RBFOX1: variants seen among roughly 807,000 people sequenced by gnomAD.
RBFOX1 encodes the protein RNA binding protein fox-1 homolog 1.
Under a neutral mutation model 57.7 loss-of-function variants are expected in RBFOX1, and 8 were observed. That is an observed-to-expected ratio of 0.14 (90% CI 0.08 to 0.25). The LOEUF (loss-of-function observed/expected upper bound fraction) is 0.25, where lower values mean the gene tolerates loss of function less well. Among genes scored for constraint, RBFOX1 ranks in the 10% least tolerant of loss-of-function variants. The pLI is 1.00. For synonymous variants in RBFOX1, 326 were observed against 222.4 expected (o/e 1.47, Z -4.15); for missense variants, 611 against 548.5 (o/e 1.11, Z -1.14).
At chr16:6,228,001 C>T (rs1487733072) in intron 1 of RBFOX1, among the ~76,000 whole-genome samples, 2 of 152,116 alleles carry the variant, frequency 1.3e-5, no homozygotes, top group African/African-American at 2.4e-5. Context: ...GTGTTTATTG[C>T]AGCACTATTC....
intron 2 of RBFOX1, among the ~76,000 whole-genome samples, chr16:6,333,309 C>G (rs970000435): frequency 6.6e-6 from 1 of 152,136 alleles, no homozygotes; most frequent in Non-Finnish European, 1.5e-5. Context: ...CACCCCAAAG[C>G]GCTGGGATGA....
intron 3 of RBFOX1, among the ~76,000 whole-genome samples, chr16:5,727,494 G>T (rs1446225656): frequency 6.6e-6 from 1 of 152,192 alleles, no homozygotes; most frequent in African/African-American, 2.4e-5. Context: ...TTGTATGTGT[G>T]TGTATATCTA....
chr16:6,432,876 G>A (rs1167677125), intron 2 of RBFOX1, among the ~76,000 whole-genome samples: 1 of 152,156 alleles, frequency 6.6e-6, no homozygotes, highest in Non-Finnish European at 1.5e-5. Flanking sequence ...TACTGAGGAG[G>A]CTGAGGCAGG....
At chr16:5,450,981 A>T (rs1383970789) in intron 1 of RBFOX1, among the ~76,000 whole-genome samples, 1 of 152,202 alleles carries the variant, frequency 6.6e-6, no homozygotes, top group African/African-American at 2.4e-5. Flanking sequence ...CACGGGCCAT[A>T]TCTGTCAGCA....
intron 3 of RBFOX1, among the ~76,000 whole-genome samples, chr16:6,818,376 A>T (rs1171602297): frequency 6.6e-6 from 1 of 152,182 alleles, no homozygotes; most frequent in East Asian, 1.9e-4. Flanking sequence ...GTGGGACTTA[A>T]ACCAAGTTTA....
chr16:7,460,620 G>A (rs1598966876), intron 4 of RBFOX1, among the ~76,000 whole-genome samples: 1 of 150,914 alleles, frequency 6.6e-6, no homozygotes, highest in African/African-American at 2.4e-5. Flanking sequence ...ATGGGTACTA[G>A]GCTTAATATC....
At chr16:5,831,798 C>G (rs143621031) in intron 3 of RBFOX1, among the ~76,000 whole-genome samples, 3 of 152,162 alleles carry the variant, frequency 2.0e-5, no homozygotes, top group African/African-American at 7.2e-5. Context: ...GCAAGATGGC[C>G]TAATACTGTC....
At chr16:5,685,060 C>T (rs1165334600) in intron 3 of RBFOX1, among the ~76,000 whole-genome samples, 1 of 152,068 alleles carries the variant, frequency 6.6e-6, no homozygotes, top group Non-Finnish European at 1.5e-5. Flanking sequence ...ATTCTCTTCC[C>T]AGCTGAGATG....
intron 4 of RBFOX1, among the ~76,000 whole-genome samples, chr16:7,227,371 C>T (rs1430621402): frequency 1.3e-5 from 2 of 149,594 alleles, no homozygotes; most frequent in African/African-American, 4.8e-5. Flanking sequence ...ACTTAGCTCA[C>T]TGCATAATCC....
intron 3 of RBFOX1, among the ~76,000 whole-genome samples, chr16:6,975,055 A>G (rs1156810846): frequency 6.6e-6 from 1 of 152,122 alleles, no homozygotes; most frequent in African/African-American, 2.4e-5. Context: ...CAATTGTTTA[A>G]AAATATATGG....
chr16:5,693,519 TA>T lies in RBFOX1; in HGVS notation c.318+94564del, dbSNP rs1353884261. ...ATAATACTTGTGGAACAAAAAAGGT[TA>T]AAAAACTCATTATATGTTGGGGGAA... On this transcript the variant is annotated intron_variant, in intron 3 of 19. Coordinates refer to the RBFOX1 transcript ENST00000641259. Among the ~76,000 whole-genome samples, 14 of 152,168 alleles carry T rather than the reference TA, an allele frequency of 9.2e-5. No homozygotes were observed. The East Asian group carries it at 2.7e-3, about 29-fold the overall frequency.
At chr16:6,873,902 C>G (rs901023200) in intron 3 of RBFOX1, 1 of 152,154 alleles carries the variant, frequency 6.6e-6, no homozygotes, top group Non-Finnish European at 1.5e-5. Context: ...GAAACCATTG[C>G]TCACTTTGGC....
chr16:6,603,953 T>G (rs2097890266), intron 2 of RBFOX1, among the ~76,000 whole-genome samples: 1 of 152,124 alleles, frequency 6.6e-6, no homozygotes, highest in South Asian at 2.1e-4. Flanking sequence ...GGTTTGTGGC[T>G]TCTTCCCTCT....
At chr16:6,376,079 C>T (rs993810793) in intron 2 of RBFOX1, among the ~76,000 whole-genome samples, 1 of 152,094 alleles carries the variant, frequency 6.6e-6, no homozygotes, top group East Asian at 1.9e-4. Flanking sequence ...CAAACCAAGC[C>T]CCCATCCATG....
chr16:6,817,614 G>T (rs2090369698), intron 3 of RBFOX1, among the ~76,000 whole-genome samples: 1 of 151,230 alleles, frequency 6.6e-6, no homozygotes, highest in Admixed American at 6.6e-5. Context: ...GCTGAGGCAA[G>T]AGAATCACTT....
chr16:6,769,414 A>T (rs1053665952), intron 3 of RBFOX1, among the ~76,000 whole-genome samples: 1 of 152,210 alleles, frequency 6.6e-6, no homozygotes, highest in African/African-American at 2.4e-5. Flanking sequence ...AGAATACAGC[A>T]GTACATCAGG....
chr16:6,361,813 A>G (rs2088598645), intron 2 of RBFOX1, among the ~76,000 whole-genome samples: 1 of 152,192 alleles, frequency 6.6e-6, no homozygotes, highest in African/African-American at 2.4e-5. Context: ...GCCAAAATTG[A>G]GAACCACTGG....
chr16:5,429,458 AG>A (rs2067663416), intron 1 of RBFOX1, among the ~76,000 whole-genome samples: 1 of 152,154 alleles, frequency 6.6e-6, no homozygotes, highest in Non-Finnish European at 1.5e-5. Context: ...AGAAATGGCA[AG>A]GCTCCTTGGT....
chr16:6,957,561 A>G (rs142966043), intron 3 of RBFOX1, among the ~76,000 whole-genome samples: 1 of 152,240 alleles, frequency 6.6e-6, no homozygotes, highest in Non-Finnish European at 1.5e-5. Context: ...GGTGACTCTC[A>G]TCACCATCTT....
Sources: allele counts gnomAD v4.1 joint callset (sites outside exome capture counted in the v4.1 genomes callset), GRCh38; gene constraint gnomAD v4.1.1; transcripts MANE v1.5; gene names NCBI Gene and HGNC (gene_info 2026-07-23, HGNC 2026-07-21).